Variants in MSL1 observed in about 807,000 individuals in gnomAD.
MSL1 encodes the protein MSL complex subunit 1, also known as male-specific lethal 1 homolog.
Under a neutral mutation model 64.6 loss-of-function variants are expected in MSL1, and 21 were observed. The ratio of observed to expected loss-of-function variants is 0.33; its 90% confidence interval spans 0.23 to 0.47. The LOEUF is 0.47. MSL1 is among the 20% of genes least tolerant of loss of function. The probability of loss-of-function intolerance (pLI) is 1.00; values close to 1 mark genes in which losing one functional copy is unlikely to be tolerated. For synonymous variants in MSL1, 339 were observed against 329.6 expected, an observed-to-expected ratio of 1.03 and a Z score of -0.31; for missense variants, 664 against 793.2, an observed-to-expected ratio of 0.84 and a Z score of 1.96.
At chr17:40,129,750 G>A in intron 3 of MSL1, 123 bp downstream of exon 3, 1 of 1,068,054 alleles carries the variant, frequency 9.4e-7, no homozygotes. Context: ...TCAAGAATGA[G>A]TAAGTTAACA....
intron 2 of MSL1, chr17:40,126,669 G>A (rs948596468): frequency 2.0e-5 from 7 of 358,694 alleles, no homozygotes; most frequent in Admixed American, 1.3e-4. Context: ...TTAGCCGGGC[G>A]TGATGGCGGG....
chr17:40,128,995 CA>C (rs1212871583), intron 2 of MSL1, among the ~76,000 whole-genome samples: 1 of 151,960 alleles, frequency 6.6e-6, no homozygotes, highest in African/African-American at 2.4e-5. Flanking sequence ...GCTTGGGTGA[CA>C]GAGCAAGACT....
At position 40,129,781 on chromosome 17, in the gene MSL1, A is replaced by G. The variant is rs990295296; in HGVS notation, c.1375+154A>G. On this transcript the variant is annotated intron_variant, in intron 3 of 8. Coordinates refer to ENST00000398532, the MANE Select transcript of MSL1 (RefSeq NM_001365919.1). Reference sequence around the variant, plus strand: ...TAACAGCCAGAGACAGACACTGTGCAGGCATTGCAAATAGATGGAATTACA... The same window carrying G: ...TAACAGCCAGAGACAGACACTGTGCGGGCATTGCAAATAGATGGAATTACA... The G allele has an allele frequency of 6.5e-6, 5 of 771,416 alleles. No homozygotes were observed. In the African/African-American group the frequency reaches 9.0e-5, roughly 14 times the overall value. 47.8% of individuals were successfully genotyped at this position (771,416 alleles called of 1,614,324 possible).
rs1988537982 is a variant in MSL1 at position 40,136,262 on chromosome 17, C to G, written c.*1893C>G. On this transcript the variant is annotated 3_prime_UTR_variant, in exon 9 of 9. Coordinates refer to ENST00000398532, the MANE Select transcript of MSL1 (RefSeq NM_001365919.1). ...TTGTGTTTGTGCCCTACCCAGGGGA[C>G]TCCCCAGTTTCTGACTTGAAGTAGA... 6.6e-6 allele frequency: 1 copy of G among 152,326 alleles called. No individual in the cohort carries two copies. Among genetic ancestry groups the G allele is most frequent in the African/African-American group, 2.4e-5 (1 of 41,448 alleles). 9.4% of individuals were successfully genotyped at this position (152,326 alleles called of 1,614,324 possible). A position where few individuals can be genotyped will look rare whatever the true frequency, so the allele number is the denominator to read the frequency against.
chr17:40,126,636 G>A (rs929210417), intron 2 of MSL1: 7 of 479,400 alleles, frequency 1.5e-5, no homozygotes, highest in African/African-American at 7.8e-5. Context: ...TTGAAACCCC[G>A]TCTCTACTAA....
At position 40,131,625 on chromosome 17, in the gene MSL1, G is replaced by C. The variant is rs1463319060; in HGVS notation, c.1423+41G>C. 1 of 1,586,512 alleles carries C rather than the reference G, an allele frequency of 6.3e-7. No homozygotes were observed. On this transcript the variant is annotated intron_variant, in intron 4 of 8. Coordinates refer to ENST00000398532, the MANE Select transcript of MSL1 (RefSeq NM_001365919.1). The surrounding 1 kb of genome is among the most constrained non-coding windows in gnomAD (Gnocchi z 4.5). The stretch of plus-strand genomic sequence containing the variant: ...ATTGTGCTGGCTGGGCCTGGGGTGG[G>C]GGTTGGTGGGATGGTGGATGGTTGG...
intron 2 of MSL1, among the ~76,000 whole-genome samples, chr17:40,127,034 G>A (rs577543310): frequency 2.0e-5 from 3 of 151,992 alleles, no homozygotes; most frequent in Non-Finnish European, 4.4e-5. Flanking sequence ...TGCATTGGTA[G>A]ACATAGAAAA....
rs72836619 is a variant in MSL1 at position 40,131,631 on chromosome 17, G to T, written c.1423+47G>T. 0.041 allele frequency: 63,699 copies of T among 1,547,544 alleles called. 1,498 individuals carry two copies. Among genetic ancestry groups the T allele is most frequent in the Non-Finnish European group, 0.049 (54,412 of 1,119,632 alleles). On this transcript the variant is annotated intron_variant, in intron 4 of 8. Coordinates refer to ENST00000398532, the MANE Select transcript of MSL1 (RefSeq NM_001365919.1). The surrounding 1 kb of genome is among the most constrained non-coding windows in gnomAD (Gnocchi z 4.5). ...CTGGCTGGGCCTGGGGTGGGGGTTG[G>T]TGGGATGGTGGATGGTTGGGAGCTG... is the stretch of plus-strand genomic sequence containing the variant.
At position 40,123,065 on chromosome 17, in the gene MSL1, C is replaced by T; in HGVS notation, c.453C>T (p.Pro151=). Residue 151 remains proline, a synonymous_variant, in exon 1 of 9, where the codon CCC becomes CCT. Transcript: ENST00000398532. ...SLVAAAKEPT[P]WAGDKGGAAS... The stretch of plus-strand genomic sequence containing the variant: ...TGGCGGCGGCCAAAGAGCCTACGCC[C>T]TGGGCTGGGGACAAGGGTGGGGCGG... The T allele has an allele frequency of 1.3e-6, 2 of 1,532,276 alleles. No homozygotes were observed. Among genetic ancestry groups the T allele is most frequent in the Non-Finnish European group, 1.7e-6 (2 of 1,145,394 alleles). 94.9% of individuals were successfully genotyped at this position (1,532,276 alleles called of 1,614,324 possible). A position where few individuals can be genotyped will look rare whatever the true frequency, so the allele number is the denominator to read the frequency against.
intron 1 of MSL1, 92 bp from the exon 2 acceptor site, chr17:40,126,091 C>T (rs751360132): frequency 3.4e-5 from 38 of 1,101,712 alleles, no homozygotes; most frequent in Non-Finnish European, 5.0e-5. Context: ...TAGAAAGAGG[C>T]AGAAGACTAT....
At chr17:40,133,212 A>C in intron 6 of MSL1, 103 bp downstream of exon 6, 3 of 1,057,204 alleles carry the variant, frequency 2.8e-6, no homozygotes, top group Non-Finnish European at 4.2e-6. Flanking sequence ...AGAATCTTGG[A>C]GTGCTTAACA....
intron 1 of MSL1, among the ~76,000 whole-genome samples, chr17:40,124,403 C>T (rs959693461): frequency 2.0e-5 from 3 of 151,812 alleles, no homozygotes; most frequent in East Asian, 3.9e-4. Flanking sequence ...CCCCGCCGTC[C>T]TCATCTCTCC....
At chr17:40,133,788 T>C in intron 7 of MSL1, 39 bp from the exon 8 acceptor site, 1 of 1,611,588 alleles carries the variant, frequency 6.2e-7, no homozygotes, top group Non-Finnish European at 8.5e-7. Flanking sequence ...ATTTCCCATC[T>C]GTATTACTAA....
rs567688161 is a variant in MSL1 at position 40,131,513 on chromosome 17, A to C, written c.1376-24A>C. On this transcript the variant is annotated intron_variant, in intron 3 of 8. Transcript: ENST00000398532. The surrounding 1 kb of genome is among the most constrained non-coding windows in gnomAD (Gnocchi z 4.5). ...CTTTTTTTCTTTTTACACTGAGATT[A>C]TTCTTCTTTCCTGCATTATTTAGGG... is the stretch of plus-strand genomic sequence containing the variant. 237 of 1,611,106 alleles carry C rather than the reference A, an allele frequency of 1.5e-4. No homozygotes were observed. Among genetic ancestry groups the C allele is most frequent in the African/African-American group, 2.3e-4 (17 of 74,898 alleles).
chr17:40,134,332 A>G lies in MSL1; in HGVS notation c.1808A>G (p.Gln603Arg). 1 of 1,557,374 alleles carries G rather than the reference A, an allele frequency of 6.4e-7. No homozygotes were observed. The highest frequency in any genetic ancestry group is 8.7e-7 in the Non-Finnish European group (1 of 1,150,026). Residue 603 changes from glutamine (Q) to arginine (R), a missense_variant, in exon 9 of 9, where the codon CAG (glutamine) becomes CGG (arginine). Transcript: ENST00000398532. ...DERSRCRLEI[Q>R]KKQTPHRTCR... ...CGTAGCCGATGCAGATTGGAGATCC[A>G]GAAGAAGCAAACACCTCACCGGACG...
chr17:40,134,166 C>A, intron 8 of MSL1, 113 bp from the exon 9 acceptor site: 1 of 867,478 alleles, frequency 1.2e-6, no homozygotes, highest in Non-Finnish European at 1.9e-6. Context: ...ACACTCCAAA[C>A]TAGTCAGGGA....
rs534640141 is a variant in MSL1 at position 40,131,075 on chromosome 17, A to G, written c.1376-462A>G. The G allele has an allele frequency of 2.6e-5, 4 of 155,472 alleles. No homozygotes were observed. Among genetic ancestry groups the G allele is most frequent in the African/African-American group, 4.8e-5 (2 of 41,436 alleles). The allele number at this position is 155,472 out of a possible 1,614,324, so 9.6% of individuals were successfully genotyped here. A position where few individuals can be genotyped will look rare whatever the true frequency, so the allele number is the denominator to read the frequency against. On this transcript the variant is annotated intron_variant, in intron 3 of 8. Transcript: ENST00000398532. The surrounding 1 kb of genome is among the most constrained non-coding windows in gnomAD (Gnocchi z 4.5). ...GCCCCTATCTCAAGAGGAAGGCTCA[A>G]TGGCTTGTTCTAGGGGAGCCAAAGT...
intron 1 of MSL1, 125 bp downstream of exon 1, chr17:40,123,505 G>C: frequency 1.2e-6 from 1 of 860,322 alleles, no homozygotes; most frequent in Non-Finnish European, 1.8e-6. Flanking sequence ...ACCGGCAAAG[G>C]AGTATCTTAG....
At chr17:40,132,705 A>C (rs1291918339) in intron 5 of MSL1, among the ~76,000 whole-genome samples, 1 of 152,142 alleles carries the variant, frequency 6.6e-6, no homozygotes, top group Non-Finnish European at 1.5e-5. Context: ...TTGACTCTTA[A>C]AGTTTTGATT....
Sources: allele counts gnomAD v4.1 joint callset (sites outside exome capture counted in the v4.1 genomes callset), GRCh38; gene constraint gnomAD v4.1.1; non-coding constraint Gnocchi (gnomAD v3.1); transcripts MANE v1.5; gene names NCBI Gene and HGNC (gene_info 2026-07-23, HGNC 2026-07-21).